The following PTPRD variants were observed in gnomAD, a reference collection of about 807,000 sequenced individuals.
PTPRD encodes receptor-type tyrosine-protein phosphatase delta.
A neutral mutation model predicts 214.5 loss-of-function variants in PTPRD; 34 were observed. That is an observed-to-expected ratio of 0.16 (90% CI 0.12 to 0.21). The LOEUF (loss-of-function observed/expected upper bound fraction) is 0.21, where lower values mean the gene tolerates loss of function less well. PTPRD is among the 10% of genes least tolerant of loss of function. The pLI is 1.00. For missense variants in PTPRD, 2,545 were observed against 2,398.7 expected (o/e 1.06, Z -1.27); for synonymous variants, 1,128 against 845.7 (o/e 1.33, Z -5.79).
intron 3 of PTPRD, among the ~76,000 whole-genome samples, chr9:10,268,283 CTG>C (rs1417854096): frequency 8.5e-6 from 1 of 117,542 alleles, no homozygotes; most frequent in Non-Finnish European, 1.8e-5. Context: ...GAGCAAGACT[CTG>C]TTGCTATAAA....
chr9:10,387,302 G>C (rs906622802), intron 2 of PTPRD, among the ~76,000 whole-genome samples: 1 of 151,832 alleles, frequency 6.6e-6, no homozygotes. Flanking sequence ...AGTGACATGA[G>C]CCATATGTTT....
chr9:8,681,947 G>A (rs1194696235), intron 12 of PTPRD, among the ~76,000 whole-genome samples: 1 of 152,110 alleles, frequency 6.6e-6, no homozygotes, highest in African/African-American at 2.4e-5. Flanking sequence ...GACTACGGTA[G>A]GAGAAGACAA....
chr9:9,035,175 G>A (rs552404899), intron 10 of PTPRD, among the ~76,000 whole-genome samples: 1 of 151,990 alleles, frequency 6.6e-6, no homozygotes, highest in East Asian at 1.9e-4. Flanking sequence ...ACTTTTGCAT[G>A]AATGAAAAAA....
intron 2 of PTPRD, among the ~76,000 whole-genome samples, chr9:10,459,587 G>A (rs1196575319): frequency 2.0e-5 from 3 of 151,716 alleles, no homozygotes; most frequent in African/African-American, 2.4e-5. Flanking sequence ...TTTAATGATC[G>A]CCATTCTAAC....
chr9:8,711,410 T>C (rs1204318816), intron 12 of PTPRD, among the ~76,000 whole-genome samples: 2 of 152,164 alleles, frequency 1.3e-5, no homozygotes, highest in Non-Finnish European at 2.9e-5. Flanking sequence ...TAAAAAGGCC[T>C]TGATTTAATT....
chr9:10,373,343 CA>C lies in PTPRD; in HGVS notation c.-599-32327del, dbSNP rs201120842. Among the ~76,000 whole-genome samples, 809 of 152,128 alleles carry C rather than the reference CA, an allele frequency of 5.3e-3. 10 individuals carry two copies. Among genetic ancestry groups the C allele is most frequent in the African/African-American group, 0.019 (769 of 41,522 alleles). On this transcript the variant is annotated intron_variant, in intron 2 of 45. Coordinates refer to ENST00000381196, the MANE Select transcript of PTPRD (RefSeq NM_002839.4). ...TCTACTGAAAACCTATTTATGTTTT[CA>C]AGTAACTTTCCTTGTTCTCTATACT... is the stretch of plus-strand genomic sequence containing the variant.
At chr9:8,565,623 T>C (rs1454437914) in intron 14 of PTPRD, among the ~76,000 whole-genome samples, 3 of 151,512 alleles carry the variant, frequency 2.0e-5, no homozygotes, top group African/African-American at 7.3e-5. Context: ...AAAAATTATA[T>C]GAAAAAGAGC....
intron 11 of PTPRD, among the ~76,000 whole-genome samples, chr9:8,963,707 C>A (rs989821784): frequency 1.3e-5 from 2 of 152,044 alleles, no homozygotes; most frequent in Admixed American, 6.6e-5. Flanking sequence ...GCAGCCTCAG[C>A]CTCCTGGGCT....
At chr9:8,664,783 T>C (rs1182658415) in intron 12 of PTPRD, among the ~76,000 whole-genome samples, 1 of 152,232 alleles carries the variant, frequency 6.6e-6, no homozygotes, top group African/African-American at 2.4e-5. Context: ...TATACAAAGA[T>C]AAATAAATTT....
chr9:8,554,484 T>C (rs1032991125), intron 14 of PTPRD, among the ~76,000 whole-genome samples: 15 of 152,260 alleles, frequency 9.9e-5, no homozygotes, highest in African/African-American at 3.4e-4. Flanking sequence ...ACTTGGAGTG[T>C]AGCATGTGCT....
intron 10 of PTPRD, among the ~76,000 whole-genome samples, chr9:9,169,089 T>C (rs1241391590): frequency 6.6e-6 from 1 of 152,058 alleles, no homozygotes; most frequent in Admixed American, 6.6e-5. Flanking sequence ...TTTGCATAAA[T>C]TTATATTAGC....
At chr9:9,285,355 C>G (rs1320415641) in intron 9 of PTPRD, among the ~76,000 whole-genome samples, 1 of 151,796 alleles carries the variant, frequency 6.6e-6, no homozygotes, top group Non-Finnish European at 1.5e-5. Flanking sequence ...TGCTCTTCCT[C>G]TGACTTCTCT....
At chr9:10,018,391 G>C (rs1055276129) in intron 4 of PTPRD, among the ~76,000 whole-genome samples, 1 of 152,016 alleles carries the variant, frequency 6.6e-6, no homozygotes, top group Non-Finnish European at 1.5e-5. Flanking sequence ...GCTTTCTTAA[G>C]TGTCTAGATC....
intron 7 of PTPRD, among the ~76,000 whole-genome samples, chr9:9,626,258 G>A (rs978807147): frequency 3.3e-5 from 5 of 152,162 alleles, no homozygotes; most frequent in African/African-American, 1.2e-4. Flanking sequence ...TGGTAGTGCA[G>A]TGCTTTAGTG....
chr9:8,429,631 T>G (rs533885335), intron 35 of PTPRD, among the ~76,000 whole-genome samples: 127 of 152,278 alleles, frequency 8.3e-4, no homozygotes, highest in African/African-American at 2.6e-3. Context: ...AAAAGGGTCA[T>G]TATCATCATC....
chr9:8,857,755 A>G, intron 11 of PTPRD: 1 of 155,816 alleles, frequency 6.4e-6, no homozygotes, highest in Non-Finnish European at 1.4e-5. Flanking sequence ...CGGCCAATTT[A>G]ATCCCGCGGA....
chr9:9,107,177 G>C (rs552450561), intron 10 of PTPRD, among the ~76,000 whole-genome samples: 33 of 152,170 alleles, frequency 2.2e-4, no homozygotes, highest in Non-Finnish European at 4.3e-4. Context: ...CTAGAGACTA[G>C]GTGGCCTGTA....
chr9:9,515,865 G>T (rs2096825059), intron 8 of PTPRD, among the ~76,000 whole-genome samples: 1 of 151,864 alleles, frequency 6.6e-6, no homozygotes. Flanking sequence ...CAATAAAAAA[G>T]AATTACTTTA....
intron 3 of PTPRD, among the ~76,000 whole-genome samples, chr9:10,247,394 G>A (rs149427793): frequency 3.4e-4 from 51 of 152,212 alleles, no homozygotes; most frequent in African/African-American, 6.0e-4. Flanking sequence ...TATTAATTAC[G>A]TAAAAAATTA....
Sources: allele counts gnomAD v4.1 joint callset (sites outside exome capture counted in the v4.1 genomes callset), GRCh38; gene constraint gnomAD v4.1.1; transcripts MANE v1.5; gene names NCBI Gene and HGNC (gene_info 2026-07-23, HGNC 2026-07-21).